Variants in ANKRD46 observed in about 807,000 individuals in gnomAD.
ANKRD46 encodes the protein ankyrin repeat domain 46.
A neutral mutation model predicts 19.8 loss-of-function variants in ANKRD46; 13 were observed. The observed-to-expected ratio is 0.66, with a 90% CI of 0.43 to 1.04. The LOEUF is 1.04. Among genes scored for constraint, ANKRD46 ranks in the 50% least tolerant of loss-of-function variants. The pLI is 0.00. For missense variants in ANKRD46, 185 were observed against 274.8 expected (o/e 0.67, Z 2.31); for synonymous variants, 91 against 106.9 (o/e 0.85, Z 0.92).
chr8:100,512,290 A>G (rs571437103), intron 5 of ANKRD46, among the ~76,000 whole-genome samples: 43 of 152,246 alleles, frequency 2.8e-4, no homozygotes, highest in Non-Finnish European at 5.1e-4. Context: ...GCTTACCTTC[A>G]AGCCTCTCTT....
chr8:100,543,451 T>C lies in ANKRD46; in HGVS notation c.-130-10140A>G, dbSNP rs79448549. Among the ~76,000 whole-genome samples the C allele has an allele frequency of 0.011, 1,659 of 152,298 alleles. 41 individuals carry two copies. Among genetic ancestry groups the C allele is most frequent in the African/African-American group, 0.038 (1,582 of 41,580 alleles). ...TTGTAGATAGGAGCAGGACACAATATAAAACTGTTAAGAACTTGTTTTTAA... is the reference window on the plus strand; with the variant it reads ...TTGTAGATAGGAGCAGGACACAATACAAAACTGTTAAGAACTTGTTTTTAA... On this transcript the variant is annotated intron_variant, in intron 1 of 4. Transcript: ENST00000335659. The surrounding 1 kb of genome is among the most constrained non-coding windows in gnomAD (Gnocchi z 4.2).
intron 1 of ANKRD46, chr8:100,551,816 T>C: frequency 2.5e-6 from 1 of 398,890 alleles, no homozygotes; most frequent in Non-Finnish European, 4.7e-6. Context: ...AAGAGTTCTT[T>C]GTGTATTTTG....
rs7012691 is a variant in ANKRD46, at chr8:100,511,119, T to G, written c.637-480A>C. On this transcript the variant is annotated intron_variant, in intron 5 of 5. Transcript: ENST00000520552. This position sits in a 1 kb window ranked among gnomAD's most constrained non-coding sequence, Gnocchi z 4.1. ...GAGAGCTGCTGTGCACCAACAACAG[T>G]GTTGAGCGGCTTACACATCGCAGCT... 0.016 allele frequency among the ~76,000 whole-genome samples: 2,433 copies of G among 152,278 alleles called. 43 individuals carry two copies. The highest frequency in any genetic ancestry group is 0.054 in the African/African-American group (2,228 of 41,554).
Position 100,512,433 on chromosome 8 carries a change from G to A in ANKRD46, c.637-1794C>T, listed in dbSNP as rs186760256. Among the ~76,000 whole-genome samples the A allele has an allele frequency of 1.7e-4, 26 of 152,288 alleles. 1 individual carries two copies. The highest frequency in any genetic ancestry group is 2.9e-4 in the African/African-American group (12 of 41,570). ...GAATGAGAATTCCAGAATGATGACC[G>A]GACAATAGCTGAAGTTATTCATTGA... On this transcript the variant is annotated intron_variant, in intron 5 of 5. Coordinates refer to the ANKRD46 transcript ENST00000520552.
In ANKRD46 at chr8:100,557,595, A is replaced by G. The variant is rs551890259; in HGVS notation, c.-131+2116T>C. ...AAACCCTCCAAACACCTCCCTTCTC[A>G]CTCAGAGTAAAAGCAAAAGTCCTTA... On this transcript the variant is annotated intron_variant, in intron 1 of 4. Coordinates refer to ENST00000335659, the MANE Select transcript of ANKRD46 (RefSeq NM_001270377.2). The surrounding 1 kb of genome is among the most constrained non-coding windows in gnomAD (Gnocchi z 5.9). Among the ~76,000 whole-genome samples the G allele has an allele frequency of 4.3e-4, 66 of 151,954 alleles. No individual in the cohort carries two copies. The highest frequency in any genetic ancestry group is 7.7e-4 in the Non-Finnish European group (52 of 67,942).
intron 1 of ANKRD46, among the ~76,000 whole-genome samples, chr8:100,539,658 T>A (rs1812135796): frequency 6.6e-6 from 1 of 152,238 alleles, no homozygotes; most frequent in Non-Finnish European, 1.5e-5. Context: ...CTTTTTGATG[T>A]CTTCAATACA....
chr8:100,520,741 TAAAAAA>T (rs5893523), downstream of ANKRD46: 4 of 718,772 alleles, frequency 5.6e-6, no homozygotes, highest in African/African-American at 2.3e-5. Context: ...TATAATACAC[TAAAAAA>T]AAAAAAAAAA....
intron 1 of ANKRD46, among the ~76,000 whole-genome samples, chr8:100,548,502 T>G (rs961101436): frequency 2.0e-5 from 3 of 152,228 alleles, no homozygotes; most frequent in East Asian, 3.8e-4. Context: ...ATTTTCTTAT[T>G]TATGTGCTTA....
chr8:100,554,564 A>AG (rs1192635697), intron 1 of ANKRD46: 1 of 151,758 alleles, frequency 6.6e-6, no homozygotes, highest in East Asian at 1.9e-4. Flanking sequence ...CTACAAAAAA[A>AG]ATTTAAAAAT....
At chr8:100,528,550 A>G (rs1222117370) in intron 3 of ANKRD46, among the ~76,000 whole-genome samples, 1 of 151,460 alleles carries the variant, frequency 6.6e-6, no homozygotes, top group African/African-American at 2.4e-5. Context: ...CAGGGAAAAG[A>G]AAAAAGAGAA....
chr8:100,523,864 G>A (rs1166229818), intron 4 of ANKRD46, among the ~76,000 whole-genome samples: 1 of 152,094 alleles, frequency 6.6e-6, no homozygotes, highest in African/African-American at 2.4e-5. Flanking sequence ...GGCTGGTCTT[G>A]AACTCCTGAG....
intron 3 of ANKRD46, among the ~76,000 whole-genome samples, chr8:100,528,719 A>G (rs1811894985): frequency 6.6e-6 from 1 of 152,106 alleles, no homozygotes; most frequent in South Asian, 2.1e-4. Flanking sequence ...ATAGGTTAGA[A>G]CCCCAATCAC....
chr8:100,541,505 G>A (rs968063487), intron 1 of ANKRD46, among the ~76,000 whole-genome samples: 42 of 152,182 alleles, frequency 2.8e-4, no homozygotes, highest in African/African-American at 1.0e-3. Context: ...ACAACACAGA[G>A]TGTCCTCAGG....
At position 100,527,946 on chromosome 8, in the gene ANKRD46, A is replaced by G. The variant is rs1161597639; in HGVS notation, c.369T>C (p.Asp123=). 1.2e-6 allele frequency: 2 copies of G among 1,612,868 alleles called. No individual in the cohort carries two copies. The highest frequency in any genetic ancestry group is 1.7e-6 in the Non-Finnish European group (2 of 1,179,868). The change falls in exon 4 of 5, where the codon GAT becomes GAC. Residue 123 remains aspartate, a synonymous_variant. Coordinates refer to ENST00000335659, the MANE Select transcript of ANKRD46 (RefSeq NM_001270377.2). The surrounding 1 kb of genome is among the most constrained non-coding windows in gnomAD (Gnocchi z 4.0). Reference sequence around the variant, plus strand: ...CCAAAGATTCCAGCAATCGGATGACATCTTTATTTACTCCTCTGCGCTTTG... The same window carrying G: ...CCAAAGATTCCAGCAATCGGATGACGTCTTTATTTACTCCTCTGCGCTTTG... ...VLAKRRGVNK[D]VIRLLESLEE...
downstream of ANKRD46, among the ~76,000 whole-genome samples, chr8:100,517,788 G>A (rs1586776084): frequency 6.6e-6 from 1 of 152,214 alleles, no homozygotes; most frequent in East Asian, 1.9e-4. Flanking sequence ...TTTTAAAGGT[G>A]TTTTAATCAG....
At chr8:100,531,361 G>A (rs1266004996) in intron 2 of ANKRD46, among the ~76,000 whole-genome samples, 4 of 152,168 alleles carry the variant, frequency 2.6e-5, no homozygotes, top group Non-Finnish European at 5.9e-5. Flanking sequence ...ACCTCAAGGG[G>A]ATTCAGGGAA....
rs961476803 is a variant in ANKRD46, at chr8:100,534,948, G to A, written c.-130-1637C>T. Among the ~76,000 whole-genome samples, 2 of 152,148 alleles carry A rather than the reference G, an allele frequency of 1.3e-5. No individual in the cohort carries two copies. Among genetic ancestry groups the A allele is most frequent in the Non-Finnish European group, 2.9e-5 (2 of 68,016 alleles). On this transcript the variant is annotated intron_variant, in intron 1 of 4. Transcript: ENST00000335659. This position sits in a 1 kb window ranked among gnomAD's most constrained non-coding sequence, Gnocchi z 4.2. ...TGCCTGGGTAATTTTTGTATTTTTA[G>A]TGGAGATGAGGTTTCACCATGTTGG... is the stretch of plus-strand genomic sequence containing the variant.
chr8:100,517,737 G>C (rs1312011906), downstream of ANKRD46, among the ~76,000 whole-genome samples: 1 of 152,186 alleles, frequency 6.6e-6, no homozygotes, highest in Non-Finnish European at 1.5e-5. Flanking sequence ...TCATCCCAAA[G>C]TTCTATTTTA....
downstream of ANKRD46, chr8:100,520,710 A>G: frequency 1.2e-6 from 1 of 813,620 alleles, no homozygotes; most frequent in Non-Finnish European, 1.5e-6. Flanking sequence ...GCAATCCATT[A>G]CAAAATCCCC....
Sources: allele counts gnomAD v4.1 joint callset (sites outside exome capture counted in the v4.1 genomes callset), GRCh38; gene constraint gnomAD v4.1.1; non-coding constraint Gnocchi (gnomAD v3.1); transcripts MANE v1.5; gene names NCBI Gene and HGNC (gene_info 2026-07-23, HGNC 2026-07-21).